ROBO2: variants seen among roughly 807,000 people sequenced by gnomAD.
The protein encoded by ROBO2 is roundabout homolog 2.
Under a neutral mutation model 160.8 loss-of-function variants are expected in ROBO2, and 53 were observed. That is an observed-to-expected ratio of 0.33 (90% confidence interval 0.26 to 0.41). The LOEUF is 0.41. ROBO2 is among the 10% of genes least tolerant of loss of function. The pLI is 1.00. For missense variants in ROBO2, 1,577 were observed against 1,722.4 expected (o/e 0.92, Z 1.49); for synonymous variants, 664 against 611.7 (o/e 1.09, Z -1.26).
At chr3:77,367,178 G>A (rs1283827885) in intron 2 of ROBO2, among the ~76,000 whole-genome samples, 2 of 152,012 alleles carry the variant, frequency 1.3e-5, no homozygotes, top group African/African-American at 4.8e-5. Flanking sequence ...AAGACCACCA[G>A]GTTACCGTAT....
intron 2 of ROBO2, among the ~76,000 whole-genome samples, chr3:76,820,613 T>G (rs2066039422): frequency 6.6e-6 from 1 of 152,012 alleles, no homozygotes; most frequent in Admixed American, 6.6e-5. Flanking sequence ...ATGATAGTAA[T>G]GGCTTGTCTT....
chr3:76,962,842 G>T lies in ROBO2; in HGVS notation c.110-135172G>T, dbSNP rs542864122. ...AATAAATAATTTTTTAAAGTAAAATGCATTCTCTAGTCCTATTGCTGTCCA... is the reference window on the plus strand; with the variant it reads ...AATAAATAATTTTTTAAAGTAAAATTCATTCTCTAGTCCTATTGCTGTCCA... On this transcript the variant is annotated intron_variant, in intron 2 of 26. Coordinates refer to the ROBO2 transcript ENST00000487694. Among the ~76,000 whole-genome samples the T allele has an allele frequency of 1.1e-4, 16 of 152,198 alleles. No individual in the cohort carries two copies. In the South Asian group the frequency reaches 3.3e-3, roughly 32 times the overall value.
intron 2 of ROBO2, among the ~76,000 whole-genome samples, chr3:76,225,208 A>T (rs1320767117): frequency 6.6e-6 from 1 of 152,160 alleles, no homozygotes; most frequent in Non-Finnish European, 1.5e-5. Flanking sequence ...TCCCCACAGA[A>T]AAAAGAGCAT....
At chr3:76,402,182 T>A (rs2077866560) in intron 2 of ROBO2, among the ~76,000 whole-genome samples, 1 of 151,662 alleles carries the variant, frequency 6.6e-6, no homozygotes, top group East Asian at 1.9e-4. Flanking sequence ...AATTTTCAAG[T>A]GGATATTTAT....
At chr3:76,903,268 C>T (rs1039955169) in intron 2 of ROBO2, among the ~76,000 whole-genome samples, 2 of 152,122 alleles carry the variant, frequency 1.3e-5, no homozygotes, top group African/African-American at 4.8e-5. Context: ...ATCTTTATCA[C>T]ATTATAAGTT....
chr3:77,053,987 C>G (rs1031921789), intron 1 of ROBO2, among the ~76,000 whole-genome samples: 2 of 152,168 alleles, frequency 1.3e-5, no homozygotes, highest in Non-Finnish European at 2.9e-5. Context: ...GGGAGATTCT[C>G]TTTCAATGAA....
intron 16 of ROBO2, among the ~76,000 whole-genome samples, chr3:77,588,170 C>T (rs775734): frequency 0.63 from 95,542 of 151,808 alleles, 30,251 homozygotes; most frequent in Middle Eastern, 0.72. Context: ...TAATTATACA[C>T]GCTGATCTCT....
intron 2 of ROBO2, among the ~76,000 whole-genome samples, chr3:76,692,772 C>T (rs2092829714): frequency 1.3e-5 from 2 of 151,912 alleles, no homozygotes; most frequent in African/African-American, 4.8e-5. Flanking sequence ...TAATCCAAGT[C>T]ACTTTTGGGG....
intron 2 of ROBO2, among the ~76,000 whole-genome samples, chr3:76,323,200 T>C (rs1356316751): frequency 6.7e-6 from 1 of 149,504 alleles, no homozygotes; most frequent in Non-Finnish European, 1.5e-5. Flanking sequence ...TTGCTGGGAT[T>C]CATGGAGCAT....
intron 2 of ROBO2, among the ~76,000 whole-genome samples, chr3:76,912,718 A>G (rs2076066329): frequency 6.6e-6 from 1 of 152,192 alleles, no homozygotes; most frequent in African/African-American, 2.4e-5. Context: ...AGAATAATTT[A>G]TAGATAAAAT....
intron 2 of ROBO2, among the ~76,000 whole-genome samples, chr3:77,208,688 C>T (rs540577311): frequency 2.0e-5 from 3 of 152,082 alleles, no homozygotes; most frequent in Non-Finnish European, 2.9e-5. Context: ...TGGTTCTATG[C>T]CTTATGATAC....
intron 21 of ROBO2, among the ~76,000 whole-genome samples, chr3:77,614,500 A>G (rs2094721735): frequency 6.6e-6 from 1 of 152,172 alleles, no homozygotes; most frequent in Non-Finnish European, 1.5e-5. Context: ...ATTATAGTAG[A>G]TATTTAGGAG....
At chr3:77,360,234 C>T (rs73112287) in intron 2 of ROBO2, among the ~76,000 whole-genome samples, 22,586 of 149,884 alleles carry the variant, frequency 0.15, 1,999 homozygotes, top group Middle Eastern at 0.23. Flanking sequence ...TAAGTTGCAA[C>T]AGTTAGAATG....
At chr3:77,015,604 C>T (rs536020130) in intron 2 of ROBO2, among the ~76,000 whole-genome samples, 15 of 152,238 alleles carry the variant, frequency 9.9e-5, no homozygotes, top group East Asian at 7.7e-4. Context: ...TTAGAAGGGG[C>T]TAAACAATAT....
chr3:77,268,254 T>C (rs2059262972), intron 2 of ROBO2, among the ~76,000 whole-genome samples: 3 of 152,232 alleles, frequency 2.0e-5, no homozygotes, highest in Admixed American at 2.0e-4. Flanking sequence ...ATGGAACATA[T>C]GCTCAATGAA....
intron 2 of ROBO2, among the ~76,000 whole-genome samples, chr3:76,152,228 C>A (rs2072238062): frequency 6.6e-6 from 1 of 152,022 alleles, no homozygotes; most frequent in African/African-American, 2.4e-5. Flanking sequence ...GCACTTTGAC[C>A]CTCTCTGGGT....
chr3:77,455,751 T>C (rs1226583252), intron 2 of ROBO2, among the ~76,000 whole-genome samples: 1 of 146,286 alleles, frequency 6.8e-6, no homozygotes, highest in Non-Finnish European at 1.5e-5. Flanking sequence ...TTTTTTTTTT[T>C]AGATGTTTGA....
chr3:76,534,971 A>T (rs1291688288), intron 2 of ROBO2, among the ~76,000 whole-genome samples: 1 of 152,058 alleles, frequency 6.6e-6, no homozygotes. Context: ...AAAGTAAGTC[A>T]TGAGAGAGGG....
chr3:76,196,406 A>C (rs1276735386), intron 2 of ROBO2, among the ~76,000 whole-genome samples: 1 of 152,124 alleles, frequency 6.6e-6, no homozygotes, highest in Non-Finnish European at 1.5e-5. Flanking sequence ...ACTGGGGGAG[A>C]GAGAAACACA....
Sources: allele counts gnomAD v4.1 joint callset (sites outside exome capture counted in the v4.1 genomes callset), GRCh38; gene constraint gnomAD v4.1.1; transcripts MANE v1.5; gene names NCBI Gene and HGNC (gene_info 2026-07-23, HGNC 2026-07-21).